Variants in PNPLA2 observed in about 807,000 individuals in gnomAD.
PNPLA2 encodes the protein patatin like domain 2, triacylglycerol lipase.
Under a neutral mutation model 39.7 loss-of-function variants are expected in PNPLA2, and 28 were observed. The ratio of observed to expected loss-of-function variants is 0.70; its 90% CI spans 0.52 to 0.97. PNPLA2 has a LOEUF of 0.97. PNPLA2 is among the 50% of genes least tolerant of loss of function. The probability of loss-of-function intolerance (pLI) is 0.00; values close to 1 mark genes in which losing one functional copy is unlikely to be tolerated. For missense variants in PNPLA2, 768 were observed against 698.2 expected, an observed-to-expected ratio of 1.10 and a Z score of -1.13; for synonymous variants, 392 against 321.1, an observed-to-expected ratio of 1.22 and a Z score of -2.36.
Position 823,528 on chromosome 11 carries a change from T to G in PNPLA2, c.698T>G (p.Val233Gly), listed in dbSNP as rs1161438562. 6.2e-7 allele frequency: 1 copy of G among 1,608,352 alleles called. No individual in the cohort carries two copies. Among genetic ancestry groups the G allele is most frequent in the South Asian group, 1.1e-5 (1 of 89,986 alleles). Reference sequence around the variant, plus strand: ...TCCATTTAACCCTCCTCACTGCAGGTGCTGCGAGAGATGTGCAAGCAGGGA... The same window carrying G: ...TCCATTTAACCCTCCTCACTGCAGGGGCTGCGAGAGATGTGCAAGCAGGGA... ...SKALFPPEPL[V>G]LREMCKQGYR... Residue 233 changes from valine to glycine, a missense_variant and splice_region_variant, in exon 6 of 10, where the codon GTG becomes GGG. Coordinates refer to ENST00000336615, the MANE Select transcript of PNPLA2 (RefSeq NM_020376.4).
At chr11:824,292 G>A (rs779465539) in intron 8 of PNPLA2, 22 bp from the exon 9 acceptor site, 17 of 1,549,868 alleles carry the variant, frequency 1.1e-5, no homozygotes, top group Non-Finnish European at 1.5e-5. Flanking sequence ...GTCCCTGAAC[G>A]CGCCGCTCGC....
At chr11:824,215 G>T in intron 8 of PNPLA2, 85 bp downstream of exon 8, 2 of 1,546,820 alleles carry the variant, frequency 1.3e-6, no homozygotes, top group Non-Finnish European at 1.7e-6. Flanking sequence ...GGAAGGTGGG[G>T]TGGGGTGAGC....
rs147314508 is a variant in PNPLA2 at position 822,402 on chromosome 11, C to T, written c.492C>T (p.Tyr164=). 3.9e-4 allele frequency: 622 copies of T among 1,613,684 alleles called. 1 individual carries two copies. The highest frequency in any genetic ancestry group is 8.4e-4 in the African/African-American group (63 of 75,056). ...GTCTGTGTGTCCCGTGGAAGCGCTA[C>T]GTGGATGGTGGCATTTCAGACAACC... ...LIPPSLQGVR[Y]VDGGISDNLP... Residue 164 remains tyrosine (Y), a synonymous_variant, in exon 5 of 10, where the codon TAC becomes TAT. Coordinates refer to ENST00000336615, the MANE Select transcript of PNPLA2 (RefSeq NM_020376.4).
In PNPLA2 at chr11:823,728, G is replaced by GGCCCCCCCCCCCCC; in HGVS notation, c.792_793insGCCCCCCCCCCCCC (p.Pro265AlafsTer60). 7 of 1,597,148 alleles carry GGCCCCCCCCCCCCC rather than the reference G, an allele frequency of 4.4e-6. No individual in the cohort carries two copies. The highest frequency in any genetic ancestry group is 6.0e-6 in the Non-Finnish European group (7 of 1,168,728). ...ACCGGCCCAACCCCTTGCTGGCGTT[G>GGCCCCCCCCCCCCC]CCCCCCGCCCGCCCCCACGGCCCAG... On this transcript the variant is annotated frameshift_variant, in exon 7 of 10. Transcript: ENST00000336615. LOFTEE classifies it high-confidence loss of function.
At position 824,365 on chromosome 11, in the gene PNPLA2, G is replaced by A; in HGVS notation, c.1104G>A (p.Glu368=). 1 of 1,551,180 alleles carries A rather than the reference G, an allele frequency of 6.4e-7. No homozygotes were observed. Among genetic ancestry groups the A allele is most frequent in the Non-Finnish European group, 8.7e-7 (1 of 1,147,536 alleles). Residue 368 remains glutamate, a synonymous_variant, in exon 9 of 10, where the codon GAG becomes GAA. Coordinates refer to ENST00000336615, the MANE Select transcript of PNPLA2 (RefSeq NM_020376.4). ...CCGAGGACATCCGGTGGATGAAGGAGCAGACGGGCAGCATCTGCCAGTACC... is the reference window on the plus strand; with the variant it reads ...CCGAGGACATCCGGTGGATGAAGGAACAGACGGGCAGCATCTGCCAGTACC... The part of the protein sequence containing the change: ...DVPEDIRWMK[E]QTGSICQYLV...
In PNPLA2 at chr11:819,871, C is replaced by A; in HGVS notation, c.153C>A (p.Leu51=). Residue 51 remains leucine, a synonymous_variant, in exon 2 of 10, where the codon CTC becomes CTA. Transcript: ENST00000336615. ...THIYGASAGA[L]TATALVTGVC... ...TCTACGGCGCCTCGGCCGGGGCGCT[C>A]ACGGCCACGGCGCTGGTCACCGGGG... The A allele has an allele frequency of 6.9e-7, 1 of 1,456,154 alleles. No homozygotes were observed. The highest frequency in any genetic ancestry group is 9.1e-7 in the Non-Finnish European group (1 of 1,104,604). 90.2% of individuals were successfully genotyped at this position (1,456,154 alleles called of 1,614,324 possible).
At chr11:821,550 T>C (rs1470809761) in intron 2 of PNPLA2, 78 bp from the exon 3 acceptor site, 2 of 1,036,888 alleles carry the variant, frequency 1.9e-6, no homozygotes, top group Admixed American at 1.8e-5. Flanking sequence ...CATGGAACCC[T>C]GGACATGGGG....
At chr11:822,207 G>A (rs1361724822) in intron 4 of PNPLA2, 184 bp downstream of exon 4, 11 of 759,624 alleles carry the variant, frequency 1.4e-5, no homozygotes, top group Admixed American at 2.0e-5. Context: ...CCCTTCCTCC[G>A]TCCCTGCCCT....
rs749784623 is a variant in PNPLA2, at chr11:823,533, C to T, written c.703C>T (p.Arg235Ter). The part of the protein sequence containing the change: ...ALFPPEPLVL[R>*]EMCKQGYRDG... ...TTAACCCTCCTCACTGCAGGTGCTG[C>T]GAGAGATGTGCAAGCAGGGATACCG... is the stretch of plus-strand genomic sequence containing the variant. Residue 235 changes from arginine (R) to a stop codon, truncating the protein, a stop_gained, in exon 6 of 10, where the codon CGA (arginine) becomes TGA (stop). Transcript: ENST00000336615. LOFTEE classifies it high-confidence loss of function. 3.7e-6 allele frequency: 6 copies of T among 1,609,056 alleles called. No homozygotes were observed. Among genetic ancestry groups the T allele is most frequent in the East Asian group, 2.2e-5 (1 of 44,634 alleles).
intron 2 of PNPLA2, 70 bp downstream of exon 2, chr11:819,975 G>A (rs1845613930): frequency 8.4e-7 from 1 of 1,184,024 alleles, no homozygotes; most frequent in African/African-American, 1.6e-5. Context: ...GATGGTCTCC[G>A]TGAGCGGAGG....
intron 3 of PNPLA2, 42 bp from the exon 4 acceptor site, chr11:821,916 A>C (rs1845678926): frequency 6.2e-7 from 1 of 1,610,426 alleles, no homozygotes; most frequent in Non-Finnish European, 8.5e-7. Flanking sequence ...GGGAACCTCA[A>C]GGCCTCTGCT....
At chr11:819,404 C>G (rs944438916) in intron 1 of PNPLA2, 170 bp from the exon 2 acceptor site, 1 of 977,612 alleles carries the variant, frequency 1.0e-6, no homozygotes, top group Non-Finnish European at 1.2e-6. Flanking sequence ...GAAGCTTTCT[C>G]CGGGCGGCAG....
In PNPLA2 at chr11:821,797, C is replaced by G. The variant is rs1051437330; in HGVS notation, c.357C>G (p.Thr119=). 1.2e-6 allele frequency: 2 copies of G among 1,613,880 alleles called. No individual in the cohort carries two copies. The highest frequency in any genetic ancestry group is 2.2e-5 in the East Asian group (1 of 44,900). The change falls in exon 3 of 10, where the codon ACC becomes ACG. Residue 119 remains threonine (T), a synonymous_variant. Transcript: ENST00000336615. ...GTGGGCGCCTGGGCATCTCCCTGAC[C>G]CGCGTGTCAGACGGCGAGAATGTCA... The part of the protein sequence containing the change: ...HASGRLGISL[T]RVSDGENVII...
Position 824,404 on chromosome 11 carries a change from C to T in PNPLA2, c.1143C>T (p.Ala381=). ...GSICQYLVMR[A]KRKLGRHLPS... ...TCTGCCAGTACCTGGTGATGCGCGC[C>T]AAGAGGAAGCTGGGCAGGCACCTGC... The change falls in exon 9 of 10, where the codon GCC becomes GCT. Residue 381 remains alanine, a synonymous_variant. Coordinates refer to ENST00000336615, the MANE Select transcript of PNPLA2 (RefSeq NM_020376.4). 4 of 1,554,562 alleles carry T rather than the reference C, an allele frequency of 2.6e-6. No individual in the cohort carries two copies. The highest frequency in any genetic ancestry group is 3.5e-6 in the Non-Finnish European group (4 of 1,149,492).
intron 1 of PNPLA2, 61 bp downstream of exon 1, chr11:819,019 G>A (rs1393361797): frequency 6.6e-6 from 1 of 152,586 alleles, no homozygotes; most frequent in African/African-American, 2.4e-5. Flanking sequence ...CCCACGTCAG[G>A]TCGCGTGGGT....
rs1025706721 is a variant in PNPLA2, at chr11:824,299, T to C, written c.1053-15T>C. 4 of 1,550,236 alleles carry C rather than the reference T, an allele frequency of 2.6e-6. No individual in the cohort carries two copies. The highest frequency in any genetic ancestry group is 2.4e-5 in the East Asian group (1 of 41,152). The stretch of plus-strand genomic sequence containing the variant: ...CTGGCCAAGTCCCTGAACGCGCCGC[T>C]CGCCCTGTCCCCAGCTTGCTGGAGT... On this transcript the variant is annotated splice_polypyrimidine_tract_variant and intron_variant, in intron 8 of 9. Transcript: ENST00000336615.
Position 824,541 on chromosome 11 carries a change from G to A in PNPLA2, c.1194G>A (p.Glu398=), listed in dbSNP as rs942439400. ...CCCGCAGGCTGCCGGAGCAGGTGGA[G>A]CTGCGCCGCGTCCAGTCGCTGCCGT... ...HLPSRLPEQV[E]LRRVQSLPSV... is the part of the protein sequence containing the mutation. The change falls in exon 10 of 10, where the codon GAG becomes GAA. Residue 398 remains glutamate, a synonymous_variant. Transcript: ENST00000336615. The A allele has an allele frequency of 7.1e-6, 11 of 1,553,308 alleles. No homozygotes were observed. The highest frequency in any genetic ancestry group is 2.4e-5 in the East Asian group (1 of 41,848).
At chr11:819,934 G>GGC in intron 2 of PNPLA2, 29 bp downstream of exon 2, 1 of 1,324,506 alleles carries the variant, frequency 7.5e-7, no homozygotes, top group Non-Finnish European at 9.6e-7. Flanking sequence ...GGCAGGCGGG[G>GGC]GGCTGGCGGG....
At chr11:821,295 T>G in intron 2 of PNPLA2, 1 of 429,846 alleles carries the variant, frequency 2.3e-6, no homozygotes, top group East Asian at 5.0e-5. Context: ...CACTGCTGGA[T>G]CTGGCCAAGT....
Sources: allele counts gnomAD v4.1 joint callset, GRCh38; gene constraint gnomAD v4.1.1; transcripts MANE v1.5; gene names NCBI Gene and HGNC (gene_info 2026-07-23, HGNC 2026-07-21).